Variants in CSMD1 observed in about 807,000 individuals in gnomAD.
CSMD1 encodes CUB and Sushi multiple domains 1.
CSMD1 carries 213 observed loss-of-function variants against 417.5 expected under a neutral mutation model. That is an observed-to-expected ratio of 0.51 (90% CI 0.46 to 0.57). The LOEUF is 0.57. Among genes scored for constraint, CSMD1 ranks in the 20% least tolerant of loss-of-function variants. The pLI is 0.00. For missense variants in CSMD1, 6,923 were observed against 4,529.7 expected (o/e 1.53, Z -15.17); for synonymous variants, 2,862 against 1,736.8 (o/e 1.65, Z -16.11).
At chr8:4,360,633 G>C (rs1331898881) in intron 3 of CSMD1, among the ~76,000 whole-genome samples, 2 of 145,304 alleles carry the variant, frequency 1.4e-5, no homozygotes, top group Non-Finnish European at 3.0e-5. Flanking sequence ...GAGACTACAG[G>C]CTGCCCGCCA....
At chr8:4,408,381 G>C (rs1419607035) in intron 3 of CSMD1, among the ~76,000 whole-genome samples, 3 of 152,204 alleles carry the variant, frequency 2.0e-5, no homozygotes, top group African/African-American at 4.8e-5. Context: ...TGTCAAAAAA[G>C]AGGCATTTTA....
intron 50 of CSMD1, among the ~76,000 whole-genome samples, chr8:3,030,349 G>A (rs1235640845): frequency 6.6e-6 from 1 of 151,886 alleles, no homozygotes; most frequent in African/African-American, 2.4e-5. Flanking sequence ...AGATTTAGTA[G>A]CTATCATTCA....
At chr8:3,329,524 G>A (rs1430304999) in intron 23 of CSMD1, among the ~76,000 whole-genome samples, 2 of 152,160 alleles carry the variant, frequency 1.3e-5, no homozygotes, top group Non-Finnish European at 2.9e-5. Context: ...TTTTCCCCAT[G>A]AGAATGTGCA....
chr8:4,138,893 T>C (rs948715509), intron 3 of CSMD1, among the ~76,000 whole-genome samples: 19 of 152,182 alleles, frequency 1.2e-4, no homozygotes, highest in South Asian at 2.1e-4. Context: ...TTATATTTAA[T>C]ACAAATAATT....
intron 11 of CSMD1, among the ~76,000 whole-genome samples, chr8:3,486,831 A>C (rs1354622107): frequency 6.6e-6 from 1 of 152,208 alleles, no homozygotes; most frequent in Non-Finnish European, 1.5e-5. Context: ...GCTGAAGCCC[A>C]GTGGTTTGTT....
At chr8:4,053,699 T>G (rs911250409) in intron 3 of CSMD1, among the ~76,000 whole-genome samples, 1 of 152,120 alleles carries the variant, frequency 6.6e-6, no homozygotes, top group Non-Finnish European at 1.5e-5. Context: ...AAACAGCTCA[T>G]CATGGCAGTA....
intron 6 of CSMD1, among the ~76,000 whole-genome samples, chr8:3,715,773 C>T (rs1254216546): frequency 5.3e-5 from 8 of 152,166 alleles, no homozygotes; most frequent in Non-Finnish European, 8.8e-5. Flanking sequence ...AAACTCCCGA[C>T]CTCATGTGAT....
intron 3 of CSMD1, among the ~76,000 whole-genome samples, chr8:4,359,258 C>G (rs1218232955): frequency 6.6e-6 from 1 of 152,118 alleles, no homozygotes; most frequent in Non-Finnish European, 1.5e-5. Flanking sequence ...CTTCACTCTT[C>G]AAGAATATTT....
intron 1 of CSMD1, among the ~76,000 whole-genome samples, chr8:4,948,184 G>A (rs1339890628): frequency 6.6e-6 from 1 of 151,870 alleles, no homozygotes; most frequent in East Asian, 1.9e-4. Flanking sequence ...TTTACCTCTC[G>A]CTATTGCTAC....
chr8:4,151,646 G>A (rs892277296), intron 3 of CSMD1, among the ~76,000 whole-genome samples: 2 of 152,132 alleles, frequency 1.3e-5, no homozygotes, highest in African/African-American at 2.4e-5. Flanking sequence ...AGAATCTGTG[G>A]CATCATTATT....
At chr8:4,504,501 C>T (rs1292224063) in intron 2 of CSMD1, among the ~76,000 whole-genome samples, 4 of 152,154 alleles carry the variant, frequency 2.6e-5, no homozygotes, top group Admixed American at 1.3e-4. Context: ...TTCTGGAATA[C>T]ATGTGCAGAA....
intron 1 of CSMD1, among the ~76,000 whole-genome samples, chr8:4,975,680 G>A (rs1334056076): frequency 6.6e-6 from 1 of 152,164 alleles, no homozygotes; most frequent in Non-Finnish European, 1.5e-5. Context: ...TCAAGAAGTA[G>A]GCAAAGGGCT....
At chr8:3,342,457 G>A (rs766103067) in intron 23 of CSMD1, among the ~76,000 whole-genome samples, 64 of 152,128 alleles carry the variant, frequency 4.2e-4, no homozygotes, top group Non-Finnish European at 1.5e-4. Flanking sequence ...TGAAGGATTT[G>A]ACAATTTTAT....
chr8:3,500,255 T>G (rs1026131296), intron 10 of CSMD1, among the ~76,000 whole-genome samples: 1 of 152,208 alleles, frequency 6.6e-6, no homozygotes, highest in Non-Finnish European at 1.5e-5. Context: ...ACTTGTCATT[T>G]TGGTTCCTCT....
chr8:3,527,382 T>C (rs1169663146), intron 10 of CSMD1, among the ~76,000 whole-genome samples: 1 of 152,154 alleles, frequency 6.6e-6, no homozygotes, highest in Non-Finnish European at 1.5e-5. Flanking sequence ...ATTTCGTTTG[T>C]ATAACATTCT....
intron 10 of CSMD1, among the ~76,000 whole-genome samples, chr8:3,503,959 C>T (rs1431908324): frequency 6.6e-6 from 1 of 151,908 alleles, no homozygotes; most frequent in Admixed American, 6.6e-5. Flanking sequence ...AGGGCGTGGA[C>T]AAGAAGTGGT....
chr8:4,538,802 C>A (rs541053221), intron 2 of CSMD1, among the ~76,000 whole-genome samples: 3 of 152,296 alleles, frequency 2.0e-5, no homozygotes, highest in African/African-American at 7.2e-5. Context: ...GAAACAGAAG[C>A]TCAAAGAAGT....
intron 5 of CSMD1, among the ~76,000 whole-genome samples, chr8:3,943,113 A>G (rs1810991459): frequency 6.6e-6 from 1 of 152,242 alleles, no homozygotes; most frequent in South Asian, 2.1e-4. Context: ...TTCGGAATTT[A>G]TGTTTGTCAT....
chr8:3,654,364 G>A (rs894260406), intron 7 of CSMD1, among the ~76,000 whole-genome samples: 1 of 152,156 alleles, frequency 6.6e-6, no homozygotes, highest in African/African-American at 2.4e-5. Flanking sequence ...ATTGAAATCA[G>A]TTAGTTTTAG....
Sources: allele counts gnomAD v4.1 joint callset (sites outside exome capture counted in the v4.1 genomes callset), GRCh38; gene constraint gnomAD v4.1.1; transcripts MANE v1.5; gene names NCBI Gene and HGNC (gene_info 2026-07-23, HGNC 2026-07-21).